The following ABCC4 variants were observed in gnomAD, a reference collection of about 807,000 sequenced individuals.
ABCC4 encodes ATP binding cassette subfamily C member 4 (PEL blood group), also known as ATP-binding cassette sub-family C member 4.
Under a neutral mutation model 168.5 loss-of-function variants are expected in ABCC4, and 102 were observed. The observed-to-expected ratio is 0.61, with a 90% confidence interval of 0.52 to 0.71. ABCC4 has a LOEUF of 0.71. Among genes scored for constraint, ABCC4 ranks in the 30% least tolerant of loss-of-function variants. The pLI, the probability that ABCC4 is intolerant of heterozygous loss-of-function variation, is 0.00. For synonymous variants in ABCC4, 617 were observed against 590.7 expected, an observed-to-expected ratio of 1.04 and a Z score of -0.65; for missense variants, 1,402 against 1,605.8, an observed-to-expected ratio of 0.87 and a Z score of 2.17.
chr13:95,150,264 G>A (rs1009155452), intron 19 of ABCC4, among the ~76,000 whole-genome samples: 3 of 152,050 alleles, frequency 2.0e-5, no homozygotes, highest in Admixed American at 6.5e-5. Flanking sequence ...CATGCCTGGC[G>A]AGCATGACTG....
At chr13:95,242,359 C>T (rs1334443837) in intron 3 of ABCC4, among the ~76,000 whole-genome samples, 1 of 151,914 alleles carries the variant, frequency 6.6e-6, no homozygotes. Flanking sequence ...TCCTGAGTAG[C>T]TGGGATTACA....
chr13:95,278,879 A>G (rs1206762881), intron 1 of ABCC4, among the ~76,000 whole-genome samples: 2 of 149,588 alleles, frequency 1.3e-5, no homozygotes, highest in Non-Finnish European at 3.0e-5. Flanking sequence ...TAGAAATTCT[A>G]TTAGTCTAAT....
At chr13:95,024,461 T>C (rs955648485) in intron 30 of ABCC4, among the ~76,000 whole-genome samples, 1 of 152,294 alleles carries the variant, frequency 6.6e-6, no homozygotes, top group Middle Eastern at 3.4e-3. Context: ...ATATTTAAAC[T>C]CTAACTCATC....
At position 95,044,392 on chromosome 13, in the gene ABCC4, G is replaced by A; in HGVS notation, c.3503C>T (p.Thr1168Ile). Reference sequence around the variant, plus strand: ...ATTGGATCCTGATTCTGCTAATTCAGTATCCATTTTACCAGGAAGATCTTC... The same window carrying A: ...ATTGGATCCTGATTCTGCTAATTCAATATCCATTTTACCAGGAAGATCTTC... ...TIEDLPGKMD[T>I]ELAESGSNFS... The change falls in exon 28 of 31, where the codon ACT becomes ATT. Residue 1168 changes from threonine to isoleucine, a missense_variant. Around this residue, in one of 3 missense-constraint regions of ABCC4, gnomAD observed 1,007 missense variants for 1,127.3 expected, o/e 0.89. Coordinates refer to ENST00000645237, the MANE Select transcript of ABCC4 (RefSeq NM_005845.5). The A allele has an allele frequency of 6.2e-7, 1 of 1,613,112 alleles. No homozygotes were observed. Among genetic ancestry groups the A allele is most frequent in the African/African-American group, 1.3e-5 (1 of 74,978 alleles).
chr13:95,048,513 C>A (rs1163553094), intron 27 of ABCC4, among the ~76,000 whole-genome samples: 1 of 152,202 alleles, frequency 6.6e-6, no homozygotes, highest in African/African-American at 2.4e-5. Context: ...AGCAACTCAA[C>A]AGATGGGAAC....
chr13:95,059,976 T>C (rs1230980840), intron 26 of ABCC4, among the ~76,000 whole-genome samples: 1 of 152,216 alleles, frequency 6.6e-6, no homozygotes, highest in Non-Finnish European at 1.5e-5. Flanking sequence ...GTCACACTTC[T>C]ATCAGGCAGT....
chr13:95,271,568 C>G (rs983801698), intron 1 of ABCC4, among the ~76,000 whole-genome samples: 3 of 152,188 alleles, frequency 2.0e-5, no homozygotes, highest in Non-Finnish European at 4.4e-5. Context: ...CCCTCAATAT[C>G]CTAGCAGTCC....
At chr13:95,073,345 C>G (rs1163565682) in intron 23 of ABCC4, 41 bp from the exon 24 acceptor site, 1 of 1,510,720 alleles carries the variant, frequency 6.6e-7, no homozygotes, top group Non-Finnish European at 9.1e-7. Context: ...AGTCTCACTT[C>G]AAACCTAAGC....
At chr13:95,271,118 A>T (rs2040836661) in intron 1 of ABCC4, among the ~76,000 whole-genome samples, 1 of 152,188 alleles carries the variant, frequency 6.6e-6, no homozygotes, top group Admixed American at 6.5e-5. Context: ...TGGTCAAATG[A>T]TAAGCAGTGG....
At chr13:95,251,418 A>G (rs1228765235) in intron 1 of ABCC4, among the ~76,000 whole-genome samples, 1 of 152,222 alleles carries the variant, frequency 6.6e-6, no homozygotes, top group Non-Finnish European at 1.5e-5. Flanking sequence ...TCATTGAATC[A>G]AGATTGTTCT....
At chr13:95,294,363 A>G (rs1345332230) in intron 1 of ABCC4, among the ~76,000 whole-genome samples, 3 of 151,640 alleles carry the variant, frequency 2.0e-5, no homozygotes, top group Admixed American at 2.0e-4. Context: ...ACTCCGTCTC[A>G]AAAAAGAAAA....
intron 11 of ABCC4, 96 bp from the exon 12 acceptor site, chr13:95,178,187 C>A: frequency 9.4e-7 from 1 of 1,063,954 alleles, no homozygotes. Context: ...AAACTTTGCA[C>A]ATTAGTTCTT....
At chr13:95,208,572 T>G (rs1273422730) in intron 6 of ABCC4, among the ~76,000 whole-genome samples, 1 of 151,764 alleles carries the variant, frequency 6.6e-6, no homozygotes, top group Non-Finnish European at 1.5e-5. Context: ...CTAATTTATT[T>G]TATCATCATT....
At chr13:95,110,315 A>G (rs572296956) in intron 20 of ABCC4, among the ~76,000 whole-genome samples, 85 of 151,868 alleles carry the variant, frequency 5.6e-4, no homozygotes, top group African/African-American at 1.7e-3. Flanking sequence ...TCTCAAAAAA[A>G]AAAAAAAAAA....
At chr13:95,029,259 G>T (rs1316534409) in intron 30 of ABCC4, among the ~76,000 whole-genome samples, 1 of 31,180 alleles carries the variant, frequency 3.2e-5, no homozygotes, top group African/African-American at 1.1e-4. Context: ...GAGAGAAAGA[G>T]AGAGAGAGAG....
At chr13:95,179,795 G>A (rs780926411) in intron 11 of ABCC4, among the ~76,000 whole-genome samples, 1 of 152,044 alleles carries the variant, frequency 6.6e-6, no homozygotes, top group Non-Finnish European at 1.5e-5. Context: ...CAAAGCAAAT[G>A]GCACATTGAG....
intron 20 of ABCC4, among the ~76,000 whole-genome samples, chr13:95,103,019 C>T (rs1200676882): frequency 6.6e-6 from 1 of 151,646 alleles, no homozygotes; most frequent in Non-Finnish European, 1.5e-5. Context: ...GTAATCCCAG[C>T]ACTTTGGGAG....
chr13:95,228,226 G>A (rs892107327), intron 4 of ABCC4, among the ~76,000 whole-genome samples: 2 of 152,144 alleles, frequency 1.3e-5, no homozygotes, highest in Non-Finnish European at 2.9e-5. Context: ...CTGGGATGCA[G>A]CCAGAGAGCT....
chr13:95,109,774 C>A (rs1401219171), intron 20 of ABCC4, among the ~76,000 whole-genome samples: 4 of 152,204 alleles, frequency 2.6e-5, no homozygotes. Flanking sequence ...AGCATGGTAA[C>A]TGCTTTCTAT....
Sources: gnomAD v4.1 joint callset for allele counts (sites outside exome capture counted in the v4.1 genomes callset) on GRCh38, gnomAD v4.1.1 for gene constraint, gnomAD v4.1.1 regional missense constraint, MANE v1.5 for transcripts, NCBI Gene and HGNC (gene_info 2026-07-23, HGNC 2026-07-21) for gene names.